The following SLC4A4 variants were observed in gnomAD, a reference collection of about 807,000 sequenced individuals.
SLC4A4 encodes the protein electrogenic sodium bicarbonate cotransporter 1.
Under a neutral mutation model 111.5 loss-of-function variants are expected in SLC4A4, and 27 were observed. The ratio of observed to expected loss-of-function variants is 0.24; its 90% CI spans 0.18 to 0.33. The LOEUF is 0.33. SLC4A4 is among the 10% of genes least tolerant of loss of function. The pLI is 1.00. For synonymous variants in SLC4A4, 443 were observed against 463.4 expected (o/e 0.96, Z 0.57); for missense variants, 909 against 1,315.5 (o/e 0.69, Z 4.78).
chr4:71,382,649 G>A (rs1392546882), intron 6 of SLC4A4, among the ~76,000 whole-genome samples: 2 of 152,168 alleles, frequency 1.3e-5, no homozygotes, highest in Non-Finnish European at 2.9e-5. Context: ...TATGTAAATG[G>A]ATATTAGGAG....
intron 7 of SLC4A4, among the ~76,000 whole-genome samples, chr4:71,419,889 G>A (rs1049484227): frequency 2.6e-5 from 4 of 152,134 alleles, no homozygotes; most frequent in Non-Finnish European, 4.4e-5. Flanking sequence ...AAAGATGGGG[G>A]AAAAACAGAG....
chr4:71,163,794 C>G (rs2148978564), intron 2 of SLC4A4, among the ~76,000 whole-genome samples: 1 of 152,304 alleles, frequency 6.6e-6, no homozygotes, highest in Admixed American at 6.5e-5. Context: ...GTAGTTGAGA[C>G]AAAGAATGTA....
At chr4:71,101,668 T>C (rs981527266) in intron 2 of SLC4A4, among the ~76,000 whole-genome samples, 3 of 152,064 alleles carry the variant, frequency 2.0e-5, no homozygotes, top group African/African-American at 4.8e-5. Context: ...CACACTGACA[T>C]CTCACATGGC....
chr4:71,111,886 A>G (rs1234614248), intron 2 of SLC4A4, among the ~76,000 whole-genome samples: 4 of 137,612 alleles, frequency 2.9e-5, no homozygotes, highest in Admixed American at 2.9e-4. Context: ...TAGTAGAAAC[A>G]GGGTTTCACC....
In SLC4A4 at chr4:71,223,956, T is replaced by A. The variant is rs575605244; in HGVS notation, c.-1-12620T>A. ...CCTTAGGAGCCCGGATCTTCACTGT[T>A]CCTCTTCTGCCACTTAGGAGCCCAG... On this transcript the variant is annotated intron_variant, in intron 1 of 25. Transcript: ENST00000264485. Among the ~76,000 whole-genome samples the A allele has an allele frequency of 2.0e-5, 3 of 152,076 alleles. No homozygotes were observed. In the East Asian group the frequency reaches 5.8e-4, roughly 29 times the overall value.
intron 6 of SLC4A4, among the ~76,000 whole-genome samples, chr4:71,388,460 G>T (rs896549272): frequency 1.3e-5 from 2 of 152,098 alleles, no homozygotes; most frequent in Admixed American, 6.5e-5. Flanking sequence ...GATTTTGTAT[G>T]CCTTATTAAT....
chr4:71,148,198 G>A (rs1286576357), intron 2 of SLC4A4, among the ~76,000 whole-genome samples: 1 of 152,134 alleles, frequency 6.6e-6, no homozygotes, highest in African/African-American at 2.4e-5. Flanking sequence ...TCCTGAGATA[G>A]CACATCTGAT....
chr4:71,474,800 G>A (rs949157753), intron 14 of SLC4A4, among the ~76,000 whole-genome samples: 2 of 151,868 alleles, frequency 1.3e-5, no homozygotes, highest in African/African-American at 4.8e-5. Context: ...GCGTTCAGCT[G>A]TATACTGATT....
intron 15 of SLC4A4, among the ~76,000 whole-genome samples, chr4:71,496,817 T>G (rs970695260): frequency 6.6e-6 from 1 of 152,082 alleles, no homozygotes; most frequent in Non-Finnish European, 1.5e-5. Context: ...GAGATGGATA[T>G]TCCATACACA....
chr4:71,286,845 T>G (rs1723956202), intron 3 of SLC4A4, among the ~76,000 whole-genome samples: 1 of 152,338 alleles, frequency 6.6e-6, no homozygotes, highest in South Asian at 2.1e-4. Context: ...TTGTACATTC[T>G]GAAATTCATT....
chr4:71,426,808 C>G (rs1013869430), intron 7 of SLC4A4, among the ~76,000 whole-genome samples: 1 of 152,082 alleles, frequency 6.6e-6, no homozygotes, highest in South Asian at 2.1e-4. Context: ...GATACCAACT[C>G]AGACATAGCT....
chr4:71,441,594 A>G lies in SLC4A4; in HGVS notation c.965+821A>G, dbSNP rs958107340. The stretch of plus-strand genomic sequence containing the variant: ...CTTTAGGTTTCCTCATGTGAGCAGG[A>G]AGGGCTATGAATCCTCCTCAGTGAT... On this transcript the variant is annotated intron_variant, in intron 8 of 25. Coordinates refer to ENST00000264485, the MANE Select transcript of SLC4A4 (RefSeq NM_001098484.3). Among the ~76,000 whole-genome samples, 8 of 152,166 alleles carry G rather than the reference A, an allele frequency of 5.3e-5. No homozygotes were observed. In the East Asian group the frequency reaches 1.5e-3, roughly 29 times the overall value.
At chr4:71,355,873 C>T (rs142267137) in intron 5 of SLC4A4, among the ~76,000 whole-genome samples, 6 of 152,274 alleles carry the variant, frequency 3.9e-5, no homozygotes, top group Non-Finnish European at 7.4e-5. Flanking sequence ...AGTTATTGTT[C>T]GTTTCTTTAC....
intron 18 of SLC4A4, among the ~76,000 whole-genome samples, chr4:71,534,905 T>C (rs959389016): frequency 6.6e-6 from 1 of 152,170 alleles, no homozygotes; most frequent in Non-Finnish European, 1.5e-5. Flanking sequence ...ATTTTGGACA[T>C]TTTAAAAATC....
chr4:71,115,123 G>A (rs1336065899), intron 2 of SLC4A4, among the ~76,000 whole-genome samples: 1 of 149,198 alleles, frequency 6.7e-6, no homozygotes, highest in Non-Finnish European at 1.5e-5. Context: ...CCTCATAGGT[G>A]GGAATTGAAC....
rs35937459 is a variant in SLC4A4, at chr4:71,481,318, G to C, written c.1904-5630G>C. Among the ~76,000 whole-genome samples the C allele has an allele frequency of 3.5e-3, 524 of 151,792 alleles. 5 individuals are homozygous for C. Among genetic ancestry groups the C allele is most frequent in the Non-Finnish European group, 5.4e-3 (367 of 67,772 alleles). On this transcript the variant is annotated intron_variant, in intron 14 of 25. Transcript: ENST00000264485. ...CTTACACTTGACCTCACAGTCTCAC[G>C]TGAGTTTGTAGCTGTTCCTGATGGT...
intron 3 of SLC4A4, among the ~76,000 whole-genome samples, chr4:71,337,542 G>T (rs578103023): frequency 6.6e-6 from 1 of 152,144 alleles, no homozygotes; most frequent in South Asian, 2.1e-4. Flanking sequence ...TATAAACAAT[G>T]CTAGAATGAT....
At chr4:71,266,098 A>T (rs1722237276) in intron 3 of SLC4A4, among the ~76,000 whole-genome samples, 2 of 152,202 alleles carry the variant, frequency 1.3e-5, no homozygotes, top group Non-Finnish European at 2.9e-5. Flanking sequence ...TGCTACCCTG[A>T]GCGTCCACAC....
chr4:71,323,149 A>G (rs536622241), intron 3 of SLC4A4, among the ~76,000 whole-genome samples: 1 of 152,142 alleles, frequency 6.6e-6, no homozygotes, highest in South Asian at 2.1e-4. Context: ...AGCAACTAAA[A>G]AACCTTAATT....
Sources: gnomAD v4.1 joint callset for allele counts (sites outside exome capture counted in the v4.1 genomes callset) on GRCh38, gnomAD v4.1.1 for gene constraint, MANE v1.5 for transcripts, NCBI Gene and HGNC (gene_info 2026-07-23, HGNC 2026-07-21) for gene names.